The following OLFM3 variants were observed in gnomAD, a reference collection of about 807,000 sequenced individuals.
OLFM3 encodes the protein olfactomedin 3.
OLFM3 carries 20 observed loss-of-function variants against 48.6 expected under a neutral mutation model. That is an observed-to-expected ratio of 0.41 (90% CI 0.29 to 0.60). OLFM3 has a LOEUF of 0.60. Among genes scored for constraint, OLFM3 ranks in the 20% least tolerant of loss-of-function variants. OLFM3 has a pLI of 0.28. For missense variants in OLFM3, 437 were observed against 544.3 expected (o/e 0.80, Z 1.96); for synonymous variants, 222 against 198.1 (o/e 1.12, Z -1.01).
At chr1:101,933,892 A>G (rs1007091671) in intron 1 of OLFM3, among the ~76,000 whole-genome samples, 1 of 152,200 alleles carries the variant, frequency 6.6e-6, no homozygotes, top group Non-Finnish European at 1.5e-5. Flanking sequence ...AAGAAATAAA[A>G]TCCTTTTCAG....
At chr1:101,872,674 A>T (rs969681663) in intron 1 of OLFM3, among the ~76,000 whole-genome samples, 1 of 152,030 alleles carries the variant, frequency 6.6e-6, no homozygotes, top group African/African-American at 2.4e-5. Context: ...AATGATAATT[A>T]TTCTGTAATG....
chr1:101,948,691 A>T (rs1660031517), intron 1 of OLFM3, among the ~76,000 whole-genome samples: 3 of 152,040 alleles, frequency 2.0e-5, no homozygotes, highest in African/African-American at 7.2e-5. Flanking sequence ...TGTTGCATCA[A>T]ATTGGGTACT....
intron 2 of OLFM3, among the ~76,000 whole-genome samples, chr1:101,831,913 T>A (rs1655170987): frequency 6.6e-6 from 1 of 151,778 alleles, no homozygotes. Flanking sequence ...GTTGTTGCTG[T>A]TTTTTGTGAG....
Position 101,872,998 on chromosome 1 carries a change from T to A in OLFM3, c.70-35973A>T, listed in dbSNP as rs200604834. Among the ~76,000 whole-genome samples the A allele has an allele frequency of 9.9e-4, 151 of 152,062 alleles. 2 individuals carry two copies. The highest frequency in any genetic ancestry group is 5.0e-3 in the East Asian group (26 of 5,178). On this transcript the variant is annotated intron_variant, in intron 1 of 5. Coordinates refer to ENST00000370103, the MANE Select transcript of OLFM3 (RefSeq NM_058170.4). ...TTTAAAAGCGGACATCAGCTGAAAA[T>A]TTATGTTTCAGTGAATACTTAAAAT...
chr1:101,836,022 GC>G lies in OLFM3; in HGVS notation c.216+856del, dbSNP rs563745611. ...TTTTGTTAAAAAGTTTCTATTCAATGCCATAAATGTGTGGGTGATCATGAAA... is the reference window on the plus strand; with the variant it reads ...TTTTGTTAAAAAGTTTCTATTCAATGCATAAATGTGTGGGTGATCATGAAA... On this transcript the variant is annotated intron_variant, in intron 2 of 5. Coordinates refer to ENST00000370103, the MANE Select transcript of OLFM3 (RefSeq NM_058170.4). Among the ~76,000 whole-genome samples the G allele has an allele frequency of 3.5e-3, 529 of 152,246 alleles. 5 individuals carry two copies. Among genetic ancestry groups the G allele is most frequent in the Non-Finnish European group, 5.0e-3 (342 of 68,006 alleles).
intron 1 of OLFM3, among the ~76,000 whole-genome samples, chr1:101,862,652 C>T (rs1015010461): frequency 1.3e-5 from 2 of 151,738 alleles, no homozygotes; most frequent in African/African-American, 4.9e-5. Context: ...TCACCTGTTG[C>T]CTTTGATAAT....
At chr1:101,918,781 T>C (rs567678228) in intron 1 of OLFM3, among the ~76,000 whole-genome samples, 4 of 152,302 alleles carry the variant, frequency 2.6e-5, no homozygotes, top group East Asian at 3.9e-4. Flanking sequence ...GTCTAAACTA[T>C]GGTGAAGCCA....
At chr1:101,887,532 AG>A (rs1482830702) in intron 1 of OLFM3, among the ~76,000 whole-genome samples, 1 of 152,002 alleles carries the variant, frequency 6.6e-6, no homozygotes, top group African/African-American at 2.4e-5. Context: ...AATAATGTCT[AG>A]GACATCTCTT....
At chr1:101,928,648 T>C (rs948828373) in intron 1 of OLFM3, among the ~76,000 whole-genome samples, 1 of 152,124 alleles carries the variant, frequency 6.6e-6, no homozygotes, top group Non-Finnish European at 1.5e-5. Flanking sequence ...AAGGGTGTGA[T>C]AAGGGGTAAT....
intron 1 of OLFM3, among the ~76,000 whole-genome samples, chr1:101,853,079 GC>G (rs1656285614): frequency 6.6e-6 from 1 of 151,980 alleles, no homozygotes; most frequent in Non-Finnish European, 1.5e-5. Flanking sequence ...TTATTCCAGT[GC>G]CTAGATTCCC....
intron 1 of OLFM3, among the ~76,000 whole-genome samples, chr1:101,984,247 CAAAAA>C (rs11313941): frequency 1.1e-5 from 1 of 89,652 alleles, no homozygotes. Context: ...GACTCTGTCT[CAAAAA>C]AAAAAAAAAA....
At chr1:101,822,265 T>C (rs907904021) in intron 4 of OLFM3, among the ~76,000 whole-genome samples, 2 of 152,150 alleles carry the variant, frequency 1.3e-5, no homozygotes, top group African/African-American at 4.8e-5. Context: ...GAAGGAAAGC[T>C]CATTTATAAA....
At chr1:101,932,883 A>G (rs1659486057) in intron 1 of OLFM3, among the ~76,000 whole-genome samples, 1 of 152,128 alleles carries the variant, frequency 6.6e-6, no homozygotes, top group South Asian at 2.1e-4. Flanking sequence ...TCAAAACCCA[A>G]TCCAAGGAAT....
chr1:101,883,441 C>A (rs2100993832), intron 1 of OLFM3, among the ~76,000 whole-genome samples: 1 of 151,662 alleles, frequency 6.6e-6, no homozygotes, highest in East Asian at 1.9e-4. Context: ...ATATTTCAAG[C>A]CATTTCTTAT....
rs184562859 is a variant in OLFM3, at chr1:101,972,842, G to A, written c.69+23906C>T. Among the ~76,000 whole-genome samples the A allele has an allele frequency of 1.6e-4, 24 of 152,196 alleles. No homozygotes were observed. The East Asian group carries it at 4.6e-3, about 29-fold the overall frequency. On this transcript the variant is annotated intron_variant, in intron 1 of 5. Transcript: ENST00000370103. ...TAAGCTGCACGGAATATTGAATATA[G>A]ACTGCATGTACCACAGAAAGTGGGT...
intron 1 of OLFM3, among the ~76,000 whole-genome samples, chr1:101,992,839 G>A (rs1470523029): frequency 1.3e-5 from 2 of 152,036 alleles, no homozygotes; most frequent in South Asian, 2.1e-4. Flanking sequence ...GGGCTTTAAA[G>A]CAATTATGTT....
At chr1:101,807,157 G>A (rs1046040305) in intron 4 of OLFM3, among the ~76,000 whole-genome samples, 1 of 151,466 alleles carries the variant, frequency 6.6e-6, no homozygotes, top group African/African-American at 2.4e-5. Context: ...ACATGTGCAG[G>A]TTTCTTACAT....
intron 1 of OLFM3, among the ~76,000 whole-genome samples, chr1:101,843,980 C>T (rs1216603987): frequency 6.6e-6 from 1 of 152,064 alleles, no homozygotes; most frequent in African/African-American, 2.4e-5. Context: ...AAAGTGAGAA[C>T]ATGGAGTGAG....
chr1:101,869,661 C>G (rs916607115), intron 1 of OLFM3, among the ~76,000 whole-genome samples: 6 of 152,110 alleles, frequency 3.9e-5, no homozygotes, highest in African/African-American at 1.4e-4. Flanking sequence ...TGTCGTCACC[C>G]AAATCTCACC....
Sources: gnomAD v4.1 joint callset for allele counts (sites outside exome capture counted in the v4.1 genomes callset) on GRCh38, gnomAD v4.1.1 for gene constraint, MANE v1.5 for transcripts, NCBI Gene and HGNC (gene_info 2026-07-23, HGNC 2026-07-21) for gene names.